Variants in PNLIPRP3 observed in about 807,000 individuals in gnomAD.
PNLIPRP3 encodes the protein pancreatic lipase-related protein 3.
A neutral mutation model predicts 52.8 loss-of-function variants in PNLIPRP3; 58 were observed. The observed-to-expected ratio is 1.10, with a 90% CI of 0.89 to 1.37. The LOEUF (loss-of-function observed/expected upper bound fraction) is 1.37. Among genes scored for constraint, PNLIPRP3 ranks in the 40% most tolerant of loss-of-function variants. The probability of loss-of-function intolerance (pLI) is 0.00; values close to 1 mark genes in which losing one functional copy is unlikely to be tolerated. For missense variants in PNLIPRP3, 593 were observed against 561.6 expected, an observed-to-expected ratio of 1.06 and a Z score of -0.57; for synonymous variants, 192 against 185.0, an observed-to-expected ratio of 1.04 and a Z score of -0.31.
intron 1 of PNLIPRP3, among the ~76,000 whole-genome samples, chr10:116,428,465 T>C (rs937623685): frequency 1.3e-5 from 2 of 152,152 alleles, no homozygotes; most frequent in African/African-American, 4.8e-5. Flanking sequence ...AGAAAATATA[T>C]ACAAATTTCC....
chr10:116,439,362 T>A lies in PNLIPRP3; in HGVS notation c.204+2497T>A, dbSNP rs1420833101. The A allele has an allele frequency of 6.4e-6, 3 of 469,388 alleles. No individual in the cohort carries two copies. The East Asian group carries it at 1.2e-4, about 19-fold the overall frequency. The allele number at this position is 469,388 out of a possible 1,614,324, so 29.1% of individuals were successfully genotyped here. ...CATGATCAAATTTTGTAATTAAACC[T>A]AATGAGGGCAACAGACACTTCTCAG... On this transcript the variant is annotated intron_variant, in intron 2 of 11. Coordinates refer to ENST00000369230, the MANE Select transcript of PNLIPRP3 (RefSeq NM_001011709.3).
In PNLIPRP3 at chr10:116,477,801, C is replaced by A. The variant is rs1300926383; in HGVS notation, c.*648C>A. ...GAAGTTCAACAACCCAGGGTATAGC[C>A]CCCTTCCTCCAAAGTCCCTGCCACA... On this transcript the variant is annotated 3_prime_UTR_variant, in exon 12 of 12. Coordinates refer to ENST00000369230, the MANE Select transcript of PNLIPRP3 (RefSeq NM_001011709.3). 2 of 152,012 alleles carry A rather than the reference C, an allele frequency of 1.3e-5. No individual in the cohort carries two copies. Among genetic ancestry groups the A allele is most frequent in the African/African-American group, 4.8e-5 (2 of 41,364 alleles). 9.4% of individuals were successfully genotyped at this position (152,012 alleles called of 1,614,324 possible).
chr10:116,427,922 T>C lies in PNLIPRP3; in HGVS notation c.-91T>C. 1 of 939,660 alleles carries C rather than the reference T, an allele frequency of 1.1e-6. No homozygotes were observed. The highest frequency in any genetic ancestry group is 1.7e-6 in the Non-Finnish European group (1 of 577,812). The allele number at this position is 939,660 out of a possible 1,614,324, so 58.2% of individuals were successfully genotyped here. A position where few individuals can be genotyped will look rare whatever the true frequency, so the allele number is the denominator to read the frequency against. The stretch of plus-strand genomic sequence containing the variant: ...GTTTAAACATTGAGTTGCATCATTG[T>C]GAGGAAAACCACTTAGTATTTTATA... On this transcript the variant is annotated 5_prime_UTR_variant, in exon 1 of 12. Transcript: ENST00000369230.
chr10:116,469,730 G>C (rs931790984), intron 9 of PNLIPRP3, among the ~76,000 whole-genome samples: 6 of 152,168 alleles, frequency 3.9e-5, no homozygotes, highest in African/African-American at 1.4e-4. Context: ...TAGAGACTGG[G>C]AGGACAGTGA....
rs748107531 is a variant in PNLIPRP3, at chr10:116,438,437, T to G, written c.204+1572T>G. ...TGCCAGCCAGGGCAGTCTTCTCCTA[T>G]GCACTCCTACCGTACAAATATGGTC... On this transcript the variant is annotated intron_variant, in intron 2 of 11. Transcript: ENST00000369230. Among the ~76,000 whole-genome samples, 3 of 152,214 alleles carry G rather than the reference T, an allele frequency of 2.0e-5. No individual in the cohort carries two copies. In the East Asian group the frequency reaches 5.8e-4, roughly 29 times the overall value.
intron 4 of PNLIPRP3, among the ~76,000 whole-genome samples, chr10:116,453,061 G>A (rs77876001): frequency 0.023 from 3,508 of 152,328 alleles, 139 homozygotes; most frequent in African/African-American, 0.081. Flanking sequence ...CATGTGGGTT[G>A]CACCCAGAGA....
intron 2 of PNLIPRP3, among the ~76,000 whole-genome samples, chr10:116,438,927 A>G (rs562831512): frequency 4.5e-4 from 69 of 152,346 alleles, no homozygotes; most frequent in African/African-American, 1.6e-3. Context: ...TGAAATGCCA[A>G]TACATAATAT....
At chr10:116,454,977 T>A (rs1323706760) in intron 4 of PNLIPRP3, among the ~76,000 whole-genome samples, 1 of 152,240 alleles carries the variant, frequency 6.6e-6, no homozygotes, top group Non-Finnish European at 1.5e-5. Flanking sequence ...TTCTCCATAG[T>A]GGCTATACCT....
At chr10:116,435,482 G>C (rs1845762174) in intron 1 of PNLIPRP3, among the ~76,000 whole-genome samples, 1 of 149,588 alleles carries the variant, frequency 6.7e-6, no homozygotes, top group Admixed American at 6.7e-5. Flanking sequence ...AAACAAAACA[G>C]TGTATTGACC....
intron 1 of PNLIPRP3, among the ~76,000 whole-genome samples, chr10:116,430,050 G>C (rs1281797888): frequency 6.6e-6 from 1 of 152,174 alleles, no homozygotes; most frequent in Non-Finnish European, 1.5e-5. Context: ...AGAGAAGGGA[G>C]TAATGTTGTG....
intron 5 of PNLIPRP3, among the ~76,000 whole-genome samples, chr10:116,456,452 TATGG>T (rs1288452521): frequency 1.3e-5 from 2 of 152,128 alleles, no homozygotes; most frequent in Non-Finnish European, 2.9e-5. Context: ...GCCCCCAAAA[TATGG>T]ACAACTATTA....
intron 10 of PNLIPRP3, among the ~76,000 whole-genome samples, chr10:116,472,885 A>G (rs1426069471): frequency 6.6e-6 from 1 of 152,194 alleles, no homozygotes; most frequent in African/African-American, 2.4e-5. Context: ...TTTGCTGCAG[A>G]TACTTTTTCC....
intron 4 of PNLIPRP3, among the ~76,000 whole-genome samples, chr10:116,447,257 G>C (rs1845965685): frequency 6.6e-6 from 1 of 152,204 alleles, no homozygotes; most frequent in African/African-American, 2.4e-5. Context: ...GGGCTGCTAA[G>C]AATGAAGATA....
At chr10:116,435,376 G>A (rs1845759315) in intron 1 of PNLIPRP3, among the ~76,000 whole-genome samples, 1 of 149,334 alleles carries the variant, frequency 6.7e-6, no homozygotes, top group Non-Finnish European at 1.5e-5. Flanking sequence ...AGGTTCTAAT[G>A]AATATGTTGT....
intron 1 of PNLIPRP3, among the ~76,000 whole-genome samples, chr10:116,431,787 C>T (rs1845712475): frequency 1.3e-5 from 2 of 152,140 alleles, no homozygotes; most frequent in African/African-American, 4.8e-5. Flanking sequence ...TCTCCATTCC[C>T]TGGGCCCTAG....
At chr10:116,467,295 T>C (rs1050732227) in intron 8 of PNLIPRP3, among the ~76,000 whole-genome samples, 7 of 152,156 alleles carry the variant, frequency 4.6e-5, no homozygotes, top group Non-Finnish European at 7.4e-5. Context: ...GGGAGGTTGA[T>C]GCAGGAGATC....
intron 4 of PNLIPRP3, among the ~76,000 whole-genome samples, chr10:116,454,993 C>T (rs546276483): frequency 2.7e-4 from 41 of 152,290 alleles, no homozygotes; most frequent in Admixed American, 7.2e-4. Flanking sequence ...TACCTATTTA[C>T]GTTCCCTCCA....
At position 116,476,779 on chromosome 10, in the gene PNLIPRP3, G is replaced by A. The variant is rs2133164760; in HGVS notation, c.1300G>A (p.Ala434Thr). Residue 434 changes from alanine (A) to threonine (T), a missense_variant, in exon 11 of 12, where the codon GCA becomes ACA. Transcript: ENST00000369230. ...TGAAGATTCTCAGAATAAGTTGGGA[G>A]CAGAAATGGTGATAAATACATCTGG... ...LFEDSQNKLG[A>T]EMVINTSGKY... is the part of the protein sequence containing the mutation. 6.2e-7 allele frequency: 1 copy of A among 1,609,836 alleles called. No homozygotes were observed. Among genetic ancestry groups the A allele is most frequent in the Non-Finnish European group, 8.5e-7 (1 of 1,178,208 alleles).
intron 1 of PNLIPRP3, among the ~76,000 whole-genome samples, chr10:116,432,203 T>C (rs1322475520): frequency 6.6e-6 from 1 of 152,220 alleles, no homozygotes; most frequent in African/African-American, 2.4e-5. Context: ...CAAATATTTC[T>C]TGAATAGATT....
Sources: allele counts gnomAD v4.1 joint callset (sites outside exome capture counted in the v4.1 genomes callset), GRCh38; gene constraint gnomAD v4.1.1; transcripts MANE v1.5; gene names NCBI Gene and HGNC (gene_info 2026-07-23, HGNC 2026-07-21).